FAM163A: variants seen among roughly 807,000 people sequenced by gnomAD.
FAM163A encodes the protein protein FAM163A.
In FAM163A, 7 loss-of-function variants were observed where a neutral mutation model predicts 12.0. The observed-to-expected ratio is 0.58, with a 90% CI of 0.33 to 1.10. The LOEUF is 1.10. Among genes scored for constraint, FAM163A ranks in the 50% least tolerant of loss-of-function variants. The probability of loss-of-function intolerance (pLI) is 0.03; values close to 1 mark genes in which losing one functional copy is unlikely to be tolerated. For synonymous variants in FAM163A, 101 were observed against 91.0 expected (o/e 1.11, Z -0.62); for missense variants, 202 against 218.6 (o/e 0.92, Z 0.48).
intron 1 of FAM163A, among the ~76,000 whole-genome samples, chr1:179,768,587 T>A (rs910386287): frequency 6.6e-6 from 1 of 151,984 alleles, no homozygotes; most frequent in Non-Finnish European, 1.5e-5. Context: ...TGTGGTCAAG[T>A]GTCTTATGTA....
intron 1 of FAM163A, among the ~76,000 whole-genome samples, chr1:179,795,523 C>T (rs1317926447): frequency 2.0e-5 from 3 of 152,250 alleles, no homozygotes; most frequent in Non-Finnish European, 2.9e-5. Context: ...CCCTTGCTCA[C>T]TCACCTTCTG....
intron 1 of FAM163A, among the ~76,000 whole-genome samples, chr1:179,805,220 AT>A (rs1693758537): frequency 6.6e-6 from 1 of 152,168 alleles, no homozygotes; most frequent in African/African-American, 2.4e-5. Context: ...CCACTCAGAC[AT>A]TAGAATGCAT....
At chr1:179,745,864 C>T (rs537626800) in intron 1 of FAM163A, among the ~76,000 whole-genome samples, 33 of 152,162 alleles carry the variant, frequency 2.2e-4, no homozygotes, top group Non-Finnish European at 3.5e-4. Context: ...TCCTCGGGGC[C>T]ACTTTCTTCC....
chr1:179,781,420 C>T (rs1302129394), intron 1 of FAM163A, among the ~76,000 whole-genome samples: 2 of 151,952 alleles, frequency 1.3e-5, no homozygotes, highest in Admixed American at 6.6e-5. Context: ...GCATGGGGCA[C>T]GTATTAGATC....
intron 1 of FAM163A, among the ~76,000 whole-genome samples, chr1:179,783,861 A>G (rs1374359253): frequency 6.8e-6 from 1 of 148,134 alleles, no homozygotes; most frequent in Non-Finnish European, 1.5e-5. Context: ...ATATAAATTT[A>G]TATAATTTAG....
intron 1 of FAM163A, among the ~76,000 whole-genome samples, chr1:179,759,734 T>C (rs1477726434): frequency 6.6e-6 from 1 of 152,024 alleles, no homozygotes; most frequent in Non-Finnish European, 1.5e-5. Context: ...CGGCACAATG[T>C]TGTCTCACTG....
chr1:179,815,151 A>ACCT lies in FAM163A; in HGVS notation c.*962_*963insCCT. ...CACACACACACACACACACACACAC[A>ACCT]GTAACCACGGGTAGGCACCAGGGGC... On this transcript the variant is annotated 3_prime_UTR_variant, in exon 5 of 5. Transcript: ENST00000341785. 1 of 154,012 alleles carries ACCT rather than the reference A, an allele frequency of 6.5e-6. No individual in the cohort carries two copies. The highest frequency in any genetic ancestry group is 1.4e-5 in the Non-Finnish European group (1 of 70,310). 9.5% of individuals were successfully genotyped at this position (154,012 alleles called of 1,614,324 possible).
chr1:179,758,174 G>C (rs114052929), intron 1 of FAM163A, among the ~76,000 whole-genome samples: 4 of 152,338 alleles, frequency 2.6e-5, no homozygotes, highest in Non-Finnish European at 5.9e-5. Flanking sequence ...ATCGGGTGGT[G>C]ACTTCCTCAC....
At chr1:179,776,243 C>T (rs867593188) in intron 1 of FAM163A, among the ~76,000 whole-genome samples, 2 of 152,120 alleles carry the variant, frequency 1.3e-5, no homozygotes, top group African/African-American at 4.8e-5. Flanking sequence ...CCTGTAATAC[C>T]GGCACTTTGT....
intron 1 of FAM163A, among the ~76,000 whole-genome samples, chr1:179,789,450 G>A (rs1420035596): frequency 2.0e-5 from 3 of 152,194 alleles, no homozygotes; most frequent in South Asian, 2.1e-4. Context: ...CCAAAGTGCC[G>A]GGATTACAGG....
chr1:179,782,339 G>A (rs1689896782), intron 1 of FAM163A, among the ~76,000 whole-genome samples: 1 of 152,024 alleles, frequency 6.6e-6, no homozygotes. Flanking sequence ...GGACACTAAT[G>A]TAAGGCTGTG....
At chr1:179,759,673 C>CT (rs1385732351) in intron 1 of FAM163A, among the ~76,000 whole-genome samples, 3 of 149,496 alleles carry the variant, frequency 2.0e-5, no homozygotes, top group Non-Finnish European at 3.0e-5. Flanking sequence ...ACTAGATCCC[C>CT]TTTTTTTTTT....
At chr1:179,746,932 G>A (rs1443415423) in intron 1 of FAM163A, among the ~76,000 whole-genome samples, 2 of 152,102 alleles carry the variant, frequency 1.3e-5, no homozygotes, top group African/African-American at 2.4e-5. Context: ...CTCTGAGCTG[G>A]GTAGGCAAGT....
At chr1:179,747,180 AAG>A (rs1557887928) in intron 1 of FAM163A, among the ~76,000 whole-genome samples, 5 of 149,484 alleles carry the variant, frequency 3.3e-5, no homozygotes, top group African/African-American at 9.9e-5. Flanking sequence ...AAAAAAAAAA[AAG>A]GTTTGACATT....
intron 1 of FAM163A, among the ~76,000 whole-genome samples, chr1:179,758,962 G>A (rs1192362319): frequency 2.0e-5 from 3 of 152,174 alleles, no homozygotes; most frequent in Non-Finnish European, 2.9e-5. Flanking sequence ...TAGCACCCCT[G>A]CATCCATGCA....
chr1:179,804,406 G>A (rs897457775), intron 1 of FAM163A, among the ~76,000 whole-genome samples: 4 of 152,176 alleles, frequency 2.6e-5, no homozygotes, highest in African/African-American at 9.7e-5. Context: ...CTGCCTTGCT[G>A]TGTGTGTTAA....
At chr1:179,760,881 T>A (rs922596343) in intron 1 of FAM163A, among the ~76,000 whole-genome samples, 58 of 152,264 alleles carry the variant, frequency 3.8e-4, no homozygotes, top group African/African-American at 1.4e-3. Context: ...AATGTCCTCT[T>A]CCCACCCCAC....
At chr1:179,796,107 C>T (rs1233422616) in intron 1 of FAM163A, among the ~76,000 whole-genome samples, 1 of 150,974 alleles carries the variant, frequency 6.6e-6, no homozygotes, top group Non-Finnish European at 1.5e-5. Context: ...GCTATGTACC[C>T]CTTCTCCAGA....
chr1:179,780,732 C>T (rs568062090), intron 1 of FAM163A, among the ~76,000 whole-genome samples: 2 of 152,206 alleles, frequency 1.3e-5, no homozygotes, highest in South Asian at 4.2e-4. Flanking sequence ...AGACAGTTTG[C>T]ATTAACTGTC....
Sources: gnomAD v4.1 joint callset for allele counts (sites outside exome capture counted in the v4.1 genomes callset) on GRCh38, gnomAD v4.1.1 for gene constraint, MANE v1.5 for transcripts, NCBI Gene and HGNC (gene_info 2026-07-23, HGNC 2026-07-21) for gene names.